Variants in GAS2 observed in about 807,000 individuals in gnomAD.
The protein encoded by GAS2 is growth arrest specific 2.
A neutral mutation model predicts 37.5 loss-of-function variants in GAS2; 20 were observed. The observed-to-expected ratio is 0.53, with a 90% CI of 0.37 to 0.77. The LOEUF (loss-of-function observed/expected upper bound fraction) is 0.77. Ranked by LOEUF, GAS2 falls within the 30% of genes least tolerant of loss-of-function variation. GAS2 has a pLI of 0.00. For synonymous variants in GAS2, 144 were observed against 132.2 expected (o/e 1.09, Z -0.61); for missense variants, 336 against 373.4 (o/e 0.90, Z 0.82).
At chr11:22,674,773 C>T in intron 1 of GAS2, 77 bp from the exon 2 acceptor site, 1 of 1,131,910 alleles carries the variant, frequency 8.8e-7, no homozygotes, top group South Asian at 1.7e-5. Flanking sequence ...GGATCCAGTT[C>T]ATTATAATGT....
upstream of GAS2, among the ~76,000 whole-genome samples, chr11:22,661,839 T>C (rs1848920508): frequency 6.6e-6 from 1 of 152,192 alleles, no homozygotes; most frequent in Admixed American, 6.6e-5. Context: ...TTCCCCTTAG[T>C]TTAGTTTCTT....
intron 1 of GAS2, among the ~76,000 whole-genome samples, chr11:22,634,805 T>A (rs757118191): frequency 5.9e-5 from 9 of 152,126 alleles, no homozygotes; most frequent in Admixed American, 2.6e-4. Context: ...TGATGTAGAC[T>A]CTGTGAGATT....
At chr11:22,730,392 T>C (rs1232647052) in intron 4 of GAS2, among the ~76,000 whole-genome samples, 1 of 151,788 alleles carries the variant, frequency 6.6e-6, no homozygotes, top group African/African-American at 2.4e-5. Flanking sequence ...AAAGGATTTT[T>C]CACATTGTTG....
intron 3 of GAS2, among the ~76,000 whole-genome samples, chr11:22,723,522 A>C (rs1852043287): frequency 6.6e-6 from 1 of 151,968 alleles, no homozygotes; most frequent in Non-Finnish European, 1.5e-5. Flanking sequence ...TTAGTGGATT[A>C]AGTGTCAAAT....
intron 2 of GAS2, among the ~76,000 whole-genome samples, chr11:22,679,173 G>A (rs1383031): frequency 2.0e-5 from 3 of 151,924 alleles, no homozygotes; most frequent in Non-Finnish European, 2.9e-5. Context: ...AGTCCTATTA[G>A]GTTTTTGAAT....
intron 1 of GAS2, among the ~76,000 whole-genome samples, chr11:22,627,040 G>A (rs994498396): frequency 6.6e-6 from 1 of 152,138 alleles, no homozygotes; most frequent in South Asian, 2.1e-4. Context: ...TGATCCTCCC[G>A]CCTCGGCCTC....
At chr11:22,725,293 C>A (rs924500893) in intron 3 of GAS2, among the ~76,000 whole-genome samples, 4 of 151,984 alleles carry the variant, frequency 2.6e-5, no homozygotes, top group Admixed American at 2.0e-4. Context: ...ACATTCTTAT[C>A]CCAGAATAGA....
intron 6 of GAS2, among the ~76,000 whole-genome samples, chr11:22,754,793 A>C (rs1322235174): frequency 6.6e-6 from 1 of 152,124 alleles, no homozygotes; most frequent in Non-Finnish European, 1.5e-5. Flanking sequence ...TGAAGGAATG[A>C]TTGCATTTCT....
At chr11:22,690,927 C>A (rs2133970364) in intron 3 of GAS2, among the ~76,000 whole-genome samples, 1 of 152,266 alleles carries the variant, frequency 6.6e-6, no homozygotes, top group Non-Finnish European at 1.5e-5. Context: ...ACTCTCTCAA[C>A]CACGGGGCAT....
chr11:22,737,745 A>T lies in GAS2; in HGVS notation c.450A>T (p.Leu150=). The change falls in exon 5 of 8, where the codon CTA becomes CTT. Residue 150 remains leucine (L), a synonymous_variant. Transcript: ENST00000454584. ...CCAGAGAAGTGTGTCTCTGTCTGCT[A>T]GAGCTTGGCCGGATTGCAGCCAGGT... is the stretch of plus-strand genomic sequence containing the variant. The part of the protein sequence containing the change: ...KQPREVCLCL[L]ELGRIAARYG... The T allele has an allele frequency of 6.2e-7, 1 of 1,614,164 alleles. No homozygotes were observed. Among genetic ancestry groups the T allele is most frequent in the Non-Finnish European group, 8.5e-7 (1 of 1,179,986 alleles).
Position 22,709,209 on chromosome 11 carries a change from G to GAA in GAS2, c.268-17073_268-17072dup, listed in dbSNP as rs71842963. Among the ~76,000 whole-genome samples, 8 of 79,988 alleles carry GAA rather than the reference G, an allele frequency of 1.0e-4. 1 individual carries two copies. The East Asian group carries it at 1.7e-3, about 17-fold the overall frequency. The allele number at this position is 79,988 out of a possible 152,430, so 52.5% of individuals were successfully genotyped here. On this transcript the variant is annotated intron_variant, in intron 3 of 7. Transcript: ENST00000454584. ...AGAGGTGAATGCACAGCATGGTAATGAAAAAAAAAAACCACAGAAGACATT... is the reference window on the plus strand; with the variant it reads ...AGAGGTGAATGCACAGCATGGTAATGAAAAAAAAAAAAACCACAGAAGACATT...
At chr11:22,686,553 TAAAAAAAAAAAAAAAAAAAAAAAAAAAAA>T (rs576718774) in intron 3 of GAS2, among the ~76,000 whole-genome samples, 22 of 47,248 alleles carry the variant, frequency 4.7e-4, no homozygotes, top group Admixed American at 2.0e-3. Context: ...CCGTCTCTAC[TAAAAAAAAAAAAAAAAAAAAAAAAAAAAA>T]AAAAAAAAAA....
chr11:22,727,437 C>G (rs527493111), intron 4 of GAS2, among the ~76,000 whole-genome samples: 1 of 151,948 alleles, frequency 6.6e-6, no homozygotes, highest in African/African-American at 2.4e-5. Context: ...CATTCCCATG[C>G]GTAACCTAGG....
chr11:22,637,201 T>TATA (rs371131298), intron 1 of GAS2, among the ~76,000 whole-genome samples: 6 of 120,490 alleles, frequency 5.0e-5, no homozygotes, highest in East Asian at 4.9e-4. Flanking sequence ...ATTATATTAA[T>TATA]ATATTACTTA....
rs114801223 is a variant in GAS2 at position 22,734,405 on chromosome 11, A to G, written c.410-3300A>G. Among the ~76,000 whole-genome samples the G allele has an allele frequency of 5.6e-3, 853 of 151,754 alleles. 14 individuals are homozygous for G. Among genetic ancestry groups the G allele is most frequent in the African/African-American group, 0.019 (772 of 41,528 alleles). ...TTTAGAATTAACTATATCTGATATA[A>G]TATAAAAGATAAACATTTAAAATAT... On this transcript the variant is annotated intron_variant, in intron 4 of 7. Coordinates refer to ENST00000454584, the MANE Select transcript of GAS2 (RefSeq NM_001143830.3).
chr11:22,803,582 C>G (rs1856758862), intron 7 of GAS2, among the ~76,000 whole-genome samples: 1 of 152,078 alleles, frequency 6.6e-6, no homozygotes, highest in Non-Finnish European at 1.5e-5. Flanking sequence ...TTGTGTGATC[C>G]TGCCTAAGTT....
At chr11:22,804,741 C>T (rs1489927778) in intron 7 of GAS2, among the ~76,000 whole-genome samples, 3 of 149,804 alleles carry the variant, frequency 2.0e-5, no homozygotes, top group Non-Finnish European at 4.5e-5. Flanking sequence ...GTAGAGGTGT[C>T]AAGAGAGGAT....
chr11:22,658,022 CT>C (rs561156577), intron 1 of GAS2, among the ~76,000 whole-genome samples: 216 of 138,184 alleles, frequency 1.6e-3, no homozygotes, highest in Middle Eastern at 3.8e-3. Context: ...ACACAATTTG[CT>C]TTTTTTTTTT....
At chr11:22,804,120 A>G (rs1250026665) in intron 7 of GAS2, among the ~76,000 whole-genome samples, 3 of 152,174 alleles carry the variant, frequency 2.0e-5, no homozygotes, top group African/African-American at 7.2e-5. Flanking sequence ...ACATCAGGGA[A>G]GAAGCAAGGG....
Sources: allele counts gnomAD v4.1 joint callset (sites outside exome capture counted in the v4.1 genomes callset), GRCh38; gene constraint gnomAD v4.1.1; transcripts MANE v1.5; gene names NCBI Gene and HGNC (gene_info 2026-07-23, HGNC 2026-07-21).